The following RCN1 variants were observed in gnomAD, a reference collection of about 807,000 sequenced individuals.
RCN1 encodes reticulocalbin 1, also known as reticulocalbin-1.
In RCN1, 14 loss-of-function variants were observed where a neutral mutation model predicts 34.7. The observed-to-expected ratio is 0.40, with a 90% CI of 0.27 to 0.63. The LOEUF (loss-of-function observed/expected upper bound fraction) is 0.63, where lower values mean the gene tolerates loss of function less well. Ranked by LOEUF, RCN1 falls within the 30% of genes least tolerant of loss-of-function variation. The pLI is 0.37. For missense variants in RCN1, 326 were observed against 425.1 expected, an observed-to-expected ratio of 0.77 and a Z score of 2.05; for synonymous variants, 125 against 165.5, an observed-to-expected ratio of 0.76 and a Z score of 1.88.
intron 1 of RCN1, among the ~76,000 whole-genome samples, chr11:32,092,086 T>A (rs536255476): frequency 2.0e-5 from 3 of 150,520 alleles, no homozygotes; most frequent in Non-Finnish European, 3.0e-5. Context: ...GGTGGGGAGA[T>A]CACCTGAGGT....
At chr11:32,103,163 G>C (rs1472890106) in intron 4 of RCN1, 118 bp from the exon 5 acceptor site, 3 of 804,506 alleles carry the variant, frequency 3.7e-6, no homozygotes, top group African/African-American at 1.7e-5. Context: ...GTTTGAGTTA[G>C]GTCTCTGGAT....
chr11:32,102,777 G>T, intron 4 of RCN1: 1 of 323,334 alleles, frequency 3.1e-6, no homozygotes, highest in Non-Finnish European at 5.9e-6. Flanking sequence ...TCTGTAAAAT[G>T]GGAATTATAA....
At chr11:32,101,244 C>T (rs562290146) in intron 4 of RCN1, among the ~76,000 whole-genome samples, 1 of 120,926 alleles carries the variant, frequency 8.3e-6, no homozygotes, top group African/African-American at 3.0e-5. Context: ...CCCAAATCCC[C>T]CCCAGCCCAA....
intron 4 of RCN1, 110 bp downstream of exon 4, chr11:32,100,718 TA>T: frequency 6.1e-6 from 5 of 813,138 alleles, no homozygotes; most frequent in Non-Finnish European, 8.3e-6. Flanking sequence ...GCTGCAAGTC[TA>T]TACGTCACTC....
intron 1 of RCN1, among the ~76,000 whole-genome samples, chr11:32,096,011 T>A (rs1287434911): frequency 6.6e-6 from 1 of 151,842 alleles, no homozygotes. Context: ...CTCCCCCACC[T>A]AAAAAAAAGT....
chr11:32,091,601 C>A, intron 1 of RCN1, 151 bp downstream of exon 1: 2 of 1,005,218 alleles, frequency 2.0e-6, no homozygotes, highest in Non-Finnish European at 2.8e-6. Flanking sequence ...CGCTGGGGCT[C>A]AGGCTAACTT....
Position 32,103,457 on chromosome 11 carries a change from G to C in RCN1, c.865G>C (p.Val289Leu), listed in dbSNP as rs377122743. 1 of 1,613,916 alleles carries C rather than the reference G, an allele frequency of 6.2e-7. No homozygotes were observed. Among genetic ancestry groups the C allele is most frequent in the Admixed American group, 1.7e-5 (1 of 60,026 alleles). The change falls in exon 5 of 6, where the codon GTA becomes CTA. Residue 289 changes from valine to leucine, a missense_variant. Physicochemically the swap from Val to Leu is conservative, Grantham distance 32 (BLOSUM62 1). Coordinates refer to ENST00000054950, the MANE Select transcript of RCN1 (RefSeq NM_002901.4). Reference protein sequence around the residue: ...DHAQAEARHLVYESDKNKDEK... With the variant: ...DHAQAEARHLLYESDKNKDEK... Reference sequence around the variant, plus strand: ...TGCACAGGCTGAGGCCAGGCATCTGGTATATGAATCAGACAAAAACAAGGT... The same window carrying C: ...TGCACAGGCTGAGGCCAGGCATCTGCTATATGAATCAGACAAAAACAAGGT...
chr11:32,103,395 A>C lies in RCN1; in HGVS notation c.803A>C (p.Glu268Ala). 6.2e-7 allele frequency: 1 copy of C among 1,613,582 alleles called. No homozygotes were observed. The highest frequency in any genetic ancestry group is 8.5e-7 in the Non-Finnish European group (1 of 1,179,452). Residue 268 changes from glutamate (E) to alanine (A), a missense_variant, in exon 5 of 6, where the codon GAG becomes GCG. By Grantham distance (107) the Glu-to-Ala change is moderately radical (BLOSUM62 -1). Transcript: ENST00000054950. ...LNKDGKLDKDEIRHWILPQDY... is the reference protein window; with the variant it reads ...LNKDGKLDKDAIRHWILPQDY... ...AAGGACGGGAAGTTAGACAAAGATG[A>C]GATTCGCCACTGGATCCTCCCTCAA... is the stretch of plus-strand genomic sequence containing the variant.
chr11:32,098,595 T>G, intron 3 of RCN1, 67 bp downstream of exon 3: 4 of 1,274,996 alleles, frequency 3.1e-6, no homozygotes, highest in Non-Finnish European at 4.3e-6. Context: ...ATCTTGTCTC[T>G]TCCAAAGAGA....
intron 1 of RCN1, among the ~76,000 whole-genome samples, chr11:32,092,835 C>T (rs1020204430): frequency 6.6e-6 from 1 of 152,104 alleles, no homozygotes; most frequent in Non-Finnish European, 1.5e-5. Flanking sequence ...TCCCTGTGCT[C>T]CTGGGGGCCT....
chr11:32,096,987 C>G, intron 1 of RCN1, 157 bp from the exon 2 acceptor site: 1 of 599,184 alleles, frequency 1.7e-6, no homozygotes, highest in East Asian at 3.1e-5. Context: ...AAGATTCCTT[C>G]CAGCCTCCTT....
At position 32,091,440 on chromosome 11, in the gene RCN1, G is replaced by A; in HGVS notation, c.244G>A (p.Glu82Lys). ...FDQLTPDESK[E>K]RLGKIVDRID... Reference sequence around the variant, plus strand: ...CCAGCTCACCCCGGACGAGAGCAAGGAGAGGCTAGGGTGAGGCCGCGGCCA... The same window carrying A: ...CCAGCTCACCCCGGACGAGAGCAAGAAGAGGCTAGGGTGAGGCCGCGGCCA... The change falls in exon 1 of 6, where the codon GAG becomes AAG. Residue 82 changes from glutamate to lysine, a missense_variant. Physicochemically the swap from Glu to Lys is moderately conservative, Grantham distance 56 (BLOSUM62 1). Coordinates refer to ENST00000054950, the MANE Select transcript of RCN1 (RefSeq NM_002901.4). 1.3e-6 allele frequency: 2 copies of A among 1,547,020 alleles called. No individual in the cohort carries two copies. Among genetic ancestry groups the A allele is most frequent in the East Asian group, 4.9e-5 (2 of 40,628 alleles).
chr11:32,095,177 T>C (rs1484880678), intron 1 of RCN1, among the ~76,000 whole-genome samples: 5 of 152,152 alleles, frequency 3.3e-5, no homozygotes, highest in Admixed American at 3.3e-4. Flanking sequence ...GTTAAAAGAA[T>C]TCTGCTGTGT....
In RCN1 at chr11:32,097,119, C is replaced by CTTTTT. The variant is rs374577571; in HGVS notation, c.255-14_255-10dup. 9.9e-6 allele frequency: 13 copies of CTTTTT among 1,306,632 alleles called. No individual in the cohort carries two copies. The South Asian group carries it at 1.2e-4, about 12-fold the overall frequency. The allele number at this position is 1,306,632 out of a possible 1,614,324, so 80.9% of individuals were successfully genotyped here. A position where few individuals can be genotyped will look rare whatever the true frequency, so the allele number is the denominator to read the frequency against. On this transcript the variant is annotated intron_variant, in intron 1 of 5. Transcript: ENST00000054950. Reference sequence around the variant, plus strand: ...CAGCCTTGTGCCTGTGTGTGGGTTTCTTTTTTTTTTTTTTTGTACTGCAGG... The same window carrying CTTTTT: ...CAGCCTTGTGCCTGTGTGTGGGTTTCTTTTTTTTTTTTTTTTTTTTGTACTGCAGG...
intron 2 of RCN1, 94 bp from the exon 3 acceptor site, chr11:32,098,256 G>A (rs1851995003): frequency 8.8e-7 from 1 of 1,141,856 alleles, no homozygotes; most frequent in African/African-American, 1.6e-5. Flanking sequence ...TTCCCTATAT[G>A]TACCATTTGA....
In RCN1 at chr11:32,097,435, G is replaced by T. The variant is rs1480213410; in HGVS notation, c.448+98G>T. On this transcript the variant is annotated intron_variant, in intron 2 of 5. Coordinates refer to ENST00000054950, the MANE Select transcript of RCN1 (RefSeq NM_002901.4). The stretch of plus-strand genomic sequence containing the variant: ...TTATCATATCCACTCCCTTCAGGGA[G>T]ATGTCACAGCCTCCTAAGTAGAACC... 4 of 821,102 alleles carry T rather than the reference G, an allele frequency of 4.9e-6. No individual in the cohort carries two copies. The South Asian group carries it at 8.2e-5, about 17-fold the overall frequency. The allele number at this position is 821,102 out of a possible 1,614,324, so 50.9% of individuals were successfully genotyped here.
intron 1 of RCN1, among the ~76,000 whole-genome samples, chr11:32,092,280 C>T (rs1851931366): frequency 6.6e-6 from 1 of 151,838 alleles, no homozygotes; most frequent in Non-Finnish European, 1.5e-5. Context: ...GCACTCCAGC[C>T]GGGGCTAGAG....
At chr11:32,091,798 C>T in intron 1 of RCN1, 1 of 304,712 alleles carries the variant, frequency 3.3e-6, no homozygotes, top group Non-Finnish European at 6.0e-6. Flanking sequence ...TCCACAGTGG[C>T]CTGTTAGTGC....
At chr11:32,091,606 T>C in intron 1 of RCN1, 156 bp downstream of exon 1, 1 of 957,170 alleles carries the variant, frequency 1.0e-6, no homozygotes, top group Non-Finnish European at 1.5e-6. Context: ...GGGCTCAGGC[T>C]AACTTGCTGG....
Sources: allele counts gnomAD v4.1 joint callset (sites outside exome capture counted in the v4.1 genomes callset), GRCh38; gene constraint gnomAD v4.1.1; transcripts MANE v1.5; gene names NCBI Gene and HGNC (gene_info 2026-07-23, HGNC 2026-07-21).